The following NHEJ1 variants were observed in gnomAD, a reference collection of about 807,000 sequenced individuals.
The protein encoded by NHEJ1 is non-homologous end-joining factor 1.
NHEJ1 carries 22 observed loss-of-function variants against 39.4 expected under a neutral mutation model. That is an observed-to-expected ratio of 0.56 (90% CI 0.40 to 0.80). The LOEUF (loss-of-function observed/expected upper bound fraction) is 0.80, where lower values mean the gene tolerates loss of function less well. Among genes scored for constraint, NHEJ1 ranks in the 30% least tolerant of loss-of-function variants. The pLI is 0.00. For missense variants in NHEJ1, 329 were observed against 357.1 expected (o/e 0.92, Z 0.63); for synonymous variants, 154 against 135.6 (o/e 1.14, Z -0.94).
chr2:219,131,770 G>A (rs111363856), intron 5 of NHEJ1, among the ~76,000 whole-genome samples: 4 of 152,194 alleles, frequency 2.6e-5, no homozygotes, highest in Admixed American at 2.6e-4. Flanking sequence ...GGCAAGAAAG[G>A]AATGTGGAAT....
At chr2:219,100,447 CAA>C (rs56196554) in intron 5 of NHEJ1, among the ~76,000 whole-genome samples, 7 of 134,010 alleles carry the variant, frequency 5.2e-5, no homozygotes, top group Non-Finnish European at 7.8e-5. Context: ...TACTAAAATG[CAA>C]AAAAAAAAAA....
chr2:219,102,019 C>T (rs1235386622), intron 5 of NHEJ1, among the ~76,000 whole-genome samples: 1 of 152,204 alleles, frequency 6.6e-6, no homozygotes, highest in African/African-American at 2.4e-5. Context: ...CCACCGCACC[C>T]AGCCCTCATT....
intron 3 of NHEJ1, among the ~76,000 whole-genome samples, chr2:219,156,756 T>C (rs151094436): frequency 6.6e-6 from 1 of 152,242 alleles, no homozygotes; most frequent in African/African-American, 2.4e-5. Flanking sequence ...GAGATAATGT[T>C]TAGAAAGGTA....
In NHEJ1 at chr2:219,070,682, CTTTT is replaced by C. The variant is rs911530719; in HGVS notation, c.*5695_*5698del. Among the ~76,000 whole-genome samples, 2 of 146,084 alleles carry C rather than the reference CTTTT, an allele frequency of 1.4e-5. No homozygotes were observed. Among genetic ancestry groups the C allele is most frequent in the Non-Finnish European group, 1.5e-5 (1 of 66,096 alleles). ...AATCCAGACACTCAATCTTTTCTTT[CTTTT>C]TTTTTTTTAATTCAAAATACCATTG... On this transcript the variant is annotated 3_prime_UTR_variant, in exon 8 of 8. Coordinates refer to ENST00000356853, the MANE Select transcript of NHEJ1 (RefSeq NM_024782.3).
intron 5 of NHEJ1, among the ~76,000 whole-genome samples, chr2:219,115,037 G>A (rs1217037547): frequency 1.3e-5 from 2 of 152,012 alleles, no homozygotes; most frequent in Non-Finnish European, 2.9e-5. Context: ...GGGGGCCTCC[G>A]ACGTGTTCAA....
intron 5 of NHEJ1, among the ~76,000 whole-genome samples, chr2:219,082,845 T>C (rs765756311): frequency 2.0e-5 from 3 of 152,204 alleles, no homozygotes; most frequent in African/African-American, 4.8e-5. Flanking sequence ...CTGGTCTAGA[T>C]ACAAACTTCC....
At chr2:219,131,477 G>A (rs1949578174) in intron 5 of NHEJ1, among the ~76,000 whole-genome samples, 3 of 152,198 alleles carry the variant, frequency 2.0e-5, no homozygotes, top group Admixed American at 2.0e-4. Flanking sequence ...AATATTGAGA[G>A]TGCTACTTGT....
Position 219,158,151 on chromosome 2 carries a change from A to G in NHEJ1, c.177+35T>C, listed in dbSNP as rs1293831251. 3.7e-6 allele frequency: 6 copies of G among 1,612,692 alleles called. No individual in the cohort carries two copies. In the African/African-American group the frequency reaches 6.7e-5, roughly 18 times the overall value. ...GGCCAGCAAGCTGGTTGATGTTCACATCCCCGACACAGCAGTACTTCTCCT... is the reference window on the plus strand; with the variant it reads ...GGCCAGCAAGCTGGTTGATGTTCACGTCCCCGACACAGCAGTACTTCTCCT... On this transcript the variant is annotated intron_variant, in intron 2 of 7. Coordinates refer to ENST00000356853, the MANE Select transcript of NHEJ1 (RefSeq NM_024782.3).
chr2:219,158,484 C>T, intron 1 of NHEJ1, 122 bp from the exon 2 acceptor site: 1 of 891,908 alleles, frequency 1.1e-6, no homozygotes, highest in Non-Finnish European at 1.8e-6. Flanking sequence ...AAATAGAAGG[C>T]ATGGATTTAC....
At chr2:219,142,629 C>T (rs1949702320) in intron 5 of NHEJ1, among the ~76,000 whole-genome samples, 1 of 152,246 alleles carries the variant, frequency 6.6e-6, no homozygotes, top group Non-Finnish European at 1.5e-5. Context: ...GAACTCCCTC[C>T]AGTGGACTAG....
At chr2:219,154,649 C>T (rs960352254) in intron 3 of NHEJ1, among the ~76,000 whole-genome samples, 5 of 151,940 alleles carry the variant, frequency 3.3e-5, no homozygotes, top group Non-Finnish European at 5.9e-5. Flanking sequence ...CAGGCGTTTC[C>T]CTAGGAGGGC....
At position 219,074,104 on chromosome 2, in the gene NHEJ1, A is replaced by G. The variant is rs1460870778; in HGVS notation, c.*2277T>C. Among the ~76,000 whole-genome samples, 1 of 152,244 alleles carries G rather than the reference A, an allele frequency of 6.6e-6. No individual in the cohort carries two copies. The highest frequency in any genetic ancestry group is 1.5e-5 in the Non-Finnish European group (1 of 68,046). On this transcript the variant is annotated 3_prime_UTR_variant, in exon 8 of 8. Transcript: ENST00000356853. The stretch of plus-strand genomic sequence containing the variant: ...CCTCTGGTAGCAATGTTTCTCTAAC[A>G]ACGTATTTAAGCAATACCCCAATGG...
Position 219,125,248 on chromosome 2 carries a change from T to C in NHEJ1, c.588+21432A>G, listed in dbSNP as rs567401774. 2.6e-5 allele frequency among the ~76,000 whole-genome samples: 4 copies of C among 151,826 alleles called. No homozygotes were observed. The South Asian group carries it at 6.2e-4, about 24-fold the overall frequency. On this transcript the variant is annotated intron_variant, in intron 5 of 7. Transcript: ENST00000356853. ...AGAAAGAGAAGCAACGCAGCTTGAG[T>C]GACTAAAGCAACCCATATTACGCAT...
intron 5 of NHEJ1, among the ~76,000 whole-genome samples, chr2:219,129,733 A>G (rs1376293853): frequency 6.6e-6 from 1 of 152,228 alleles, no homozygotes; most frequent in Non-Finnish European, 1.5e-5. Context: ...CAGGCCCATC[A>G]TTATGTGGCT....
At chr2:219,160,197 G>A (rs1027938021) in intron 1 of NHEJ1, among the ~76,000 whole-genome samples, 1 of 152,152 alleles carries the variant, frequency 6.6e-6, no homozygotes. Context: ...TATCTGCACC[G>A]AGTCCGCTCC....
intron 5 of NHEJ1, among the ~76,000 whole-genome samples, chr2:219,138,558 G>C (rs1170278058): frequency 6.6e-6 from 1 of 152,204 alleles, no homozygotes; most frequent in Non-Finnish European, 1.5e-5. Context: ...TACTATGTGT[G>C]GAGGCACTGT....
chr2:219,158,371 A>G lies in NHEJ1; in HGVS notation c.1-9T>C. ...TGCTCCAGTTCTTCCATCTGCAAAA[A>G]AGTCCTCATTTAGTAAAGAGCCTCA... On this transcript the variant is annotated splice_polypyrimidine_tract_variant and intron_variant, in intron 1 of 7. Transcript: ENST00000356853. 1.2e-6 allele frequency: 2 copies of G among 1,613,946 alleles called. No individual in the cohort carries two copies. The highest frequency in any genetic ancestry group is 1.7e-6 in the Non-Finnish European group (2 of 1,180,016).
At chr2:219,100,401 G>A (rs774360764) in intron 5 of NHEJ1, among the ~76,000 whole-genome samples, 14 of 149,326 alleles carry the variant, frequency 9.4e-5, no homozygotes, top group East Asian at 2.0e-4. Context: ...CCAGGAGTTC[G>A]AGACCAGCTT....
Position 219,119,785 on chromosome 2 carries a change from C to T in NHEJ1, c.588+26895G>A, listed in dbSNP as rs144528318. 1.6e-3 allele frequency among the ~76,000 whole-genome samples: 250 copies of T among 152,332 alleles called. 1 individual carries two copies. The highest frequency in any genetic ancestry group is 5.4e-3 in the African/African-American group (226 of 41,560). ...AAAGAGAGTATTCCTGTGGAGCACACTGGAGAAATCCAGTGCTCCAATCTT... is the reference window on the plus strand; with the variant it reads ...AAAGAGAGTATTCCTGTGGAGCACATTGGAGAAATCCAGTGCTCCAATCTT... On this transcript the variant is annotated intron_variant, in intron 5 of 7. Transcript: ENST00000356853.
Sources: allele counts gnomAD v4.1 joint callset (sites outside exome capture counted in the v4.1 genomes callset), GRCh38; gene constraint gnomAD v4.1.1; transcripts MANE v1.5; gene names NCBI Gene and HGNC (gene_info 2026-07-23, HGNC 2026-07-21).